The following STX2 variants were observed in gnomAD, a reference collection of about 807,000 sequenced individuals.
STX2 encodes syntaxin-2.
Under a neutral mutation model 40.6 loss-of-function variants are expected in STX2, and 27 were observed. The ratio of observed to expected loss-of-function variants is 0.66; its 90% CI spans 0.49 to 0.92. The LOEUF (loss-of-function observed/expected upper bound fraction) is 0.92, where lower values mean the gene tolerates loss of function less well. Ranked by LOEUF, STX2 falls within the 40% of genes least tolerant of loss-of-function variation. STX2 has a pLI of 0.00. For missense variants in STX2, 328 were observed against 366.1 expected (o/e 0.90, Z 0.85); for synonymous variants, 123 against 119.1 (o/e 1.03, Z -0.22).
intron 3 of STX2, among the ~76,000 whole-genome samples, chr12:130,818,790 C>T (rs1951997221): frequency 6.6e-6 from 1 of 152,154 alleles, no homozygotes; most frequent in African/African-American, 2.4e-5. Flanking sequence ...CGACCGCACC[C>T]GAACACAGGG....
chr12:130,835,192 G>A (rs1324653293), intron 1 of STX2, among the ~76,000 whole-genome samples: 1 of 152,252 alleles, frequency 6.6e-6, no homozygotes, highest in East Asian at 1.9e-4. Context: ...AGGAAGCTGA[G>A]GCGGGAGGAT....
chr12:130,826,046 G>A (rs2136332723), intron 2 of STX2, among the ~76,000 whole-genome samples: 1 of 152,320 alleles, frequency 6.6e-6, no homozygotes, highest in Non-Finnish European at 1.5e-5. Flanking sequence ...ACCTCAGATA[G>A]GATCCCAGCA....
chr12:130,817,499 C>T (rs1254912484), intron 3 of STX2, among the ~76,000 whole-genome samples: 4 of 151,892 alleles, frequency 2.6e-5, no homozygotes, highest in Non-Finnish European at 5.9e-5. Context: ...CAATTCCAGC[C>T]GCAAAGAGAG....
intron 10 of STX2, among the ~76,000 whole-genome samples, chr12:130,794,175 ATG>A (rs1160480122): frequency 4.0e-5 from 2 of 49,504 alleles, no homozygotes; most frequent in Non-Finnish European, 7.8e-5. Context: ...CAGAAAGTAC[ATG>A]TTAGAATCAT....
intron 1 of STX2, among the ~76,000 whole-genome samples, chr12:130,829,386 C>T (rs1370468544): frequency 6.6e-6 from 1 of 152,206 alleles, no homozygotes; most frequent in Non-Finnish European, 1.5e-5. Context: ...AAACACAGTG[C>T]AGGGATCACT....
In STX2 at chr12:130,807,518, C is replaced by T. The variant is rs373882228; in HGVS notation, c.355-428G>A. Among the ~76,000 whole-genome samples the T allele has an allele frequency of 7.2e-5, 11 of 151,918 alleles. No individual in the cohort carries two copies. In the East Asian group the frequency reaches 1.6e-3, roughly 22 times the overall value. Reference sequence around the variant, plus strand: ...CCATGAGGGGACCCAGGCAGGCGGACCCCAGAGCCTGCGTGCTTCATCGCC... The same window carrying T: ...CCATGAGGGGACCCAGGCAGGCGGATCCCAGAGCCTGCGTGCTTCATCGCC... On this transcript the variant is annotated intron_variant, in intron 5 of 10. Coordinates refer to ENST00000392373, the MANE Select transcript of STX2 (RefSeq NM_194356.4).
At chr12:130,802,428 C>T (rs1466756852) in intron 6 of STX2, among the ~76,000 whole-genome samples, 3 of 152,146 alleles carry the variant, frequency 2.0e-5, no homozygotes, top group African/African-American at 7.2e-5. Context: ...GAACTCCTGA[C>T]CTCAAGTGAT....
Position 130,791,880 on chromosome 12 carries a change from T to C in STX2, c.*143A>G, listed in dbSNP as rs1950886413. Reference sequence around the variant, plus strand: ...ATGTGGTCTGAGTCTCAAGGATAAATGGCTCTTGGGATATGGTTGCTAGGA... The same window carrying C: ...ATGTGGTCTGAGTCTCAAGGATAAACGGCTCTTGGGATATGGTTGCTAGGA... On this transcript the variant is annotated 3_prime_UTR_variant, in exon 11 of 11. Coordinates refer to ENST00000392373, the MANE Select transcript of STX2 (RefSeq NM_194356.4). The C allele has an allele frequency of 6.2e-7, 1 of 1,606,076 alleles. No individual in the cohort carries two copies.
chr12:130,814,364 G>A (rs895261909), intron 3 of STX2, among the ~76,000 whole-genome samples: 15 of 152,256 alleles, frequency 9.9e-5, no homozygotes, highest in East Asian at 1.9e-4. Flanking sequence ...GAGGAGAAGC[G>A]TCTGCTGCAG....
intron 8 of STX2, 66 bp downstream of exon 8, chr12:130,801,087 T>G (rs1951206568): frequency 2.0e-6 from 3 of 1,526,448 alleles, no homozygotes; most frequent in Admixed American, 1.9e-5. Context: ...CTAGACAGAG[T>G]GGGATGCAGT....
At chr12:130,828,224 C>T (rs143396305) in intron 1 of STX2, among the ~76,000 whole-genome samples, 1 of 152,098 alleles carries the variant, frequency 6.6e-6, no homozygotes, top group East Asian at 1.9e-4. Context: ...CTAGTCCCTA[C>T]TCTTTTTTTT....
chr12:130,823,567 G>A (rs1225046980), intron 2 of STX2, among the ~76,000 whole-genome samples: 1 of 152,184 alleles, frequency 6.6e-6, no homozygotes, highest in Non-Finnish European at 1.5e-5. Context: ...ACAGCAGCTG[G>A]AGTGATGGCT....
chr12:130,793,673 C>T (rs1262529577), intron 10 of STX2, among the ~76,000 whole-genome samples: 1 of 152,200 alleles, frequency 6.6e-6, no homozygotes. Context: ...CCAGGGCCCT[C>T]TCACCGAATA....
At chr12:130,797,425 T>C (rs1329182229) in intron 9 of STX2, among the ~76,000 whole-genome samples, 1 of 152,226 alleles carries the variant, frequency 6.6e-6, no homozygotes, top group Non-Finnish European at 1.5e-5. Context: ...ATTTCAGAGA[T>C]GACGAGCATA....
At chr12:130,800,272 TATAC>T (rs958727218) in intron 8 of STX2, among the ~76,000 whole-genome samples, 5 of 151,702 alleles carry the variant, frequency 3.3e-5, no homozygotes, top group Non-Finnish European at 2.9e-5. Context: ...GAGTTCAATA[TATAC>T]ATACATACAT....
intron 2 of STX2, among the ~76,000 whole-genome samples, chr12:130,823,724 GCA>G (rs1472222670): frequency 2.6e-5 from 4 of 152,332 alleles, no homozygotes; most frequent in African/African-American, 9.6e-5. Flanking sequence ...TGTTGTTGAA[GCA>G]CAGTGATTGC....
At chr12:130,806,695 G>A (rs1951448327) in intron 6 of STX2, among the ~76,000 whole-genome samples, 1 of 152,080 alleles carries the variant, frequency 6.6e-6, no homozygotes, top group Admixed American at 6.6e-5. Context: ...GCGGGACTGA[G>A]GACACAGAAA....
intron 3 of STX2, among the ~76,000 whole-genome samples, chr12:130,817,731 A>G (rs1951914591): frequency 6.6e-6 from 1 of 152,204 alleles, no homozygotes; most frequent in African/African-American, 2.4e-5. Flanking sequence ...AAAAAAAAGT[A>G]AAGCCAAAAG....
intron 1 of STX2, among the ~76,000 whole-genome samples, chr12:130,832,588 CAT>C (rs1294555536): frequency 4.6e-5 from 7 of 152,298 alleles, no homozygotes; most frequent in Non-Finnish European, 7.3e-5. Flanking sequence ...GGGCCCACCA[CAT>C]GATCTCGCCC....
Sources: allele counts gnomAD v4.1 joint callset (sites outside exome capture counted in the v4.1 genomes callset), GRCh38; gene constraint gnomAD v4.1.1; transcripts MANE v1.5; gene names NCBI Gene and HGNC (gene_info 2026-07-23, HGNC 2026-07-21).